Variants in MAP2 observed in about 807,000 individuals in gnomAD.
The protein encoded by MAP2 is microtubule associated protein 2, also known as microtubule-associated protein 2.
A neutral mutation model predicts 137.6 loss-of-function variants in MAP2; 14 were observed. That is an observed-to-expected ratio of 0.10 (90% CI 0.07 to 0.16). MAP2 has a LOEUF of 0.16. MAP2 is among the 10% of genes least tolerant of loss of function. MAP2 has a pLI of 1.00. For synonymous variants in MAP2, 786 were observed against 782.3 expected, an observed-to-expected ratio of 1.00 and a Z score of -0.08; for missense variants, 2,088 against 2,191.5, an observed-to-expected ratio of 0.95 and a Z score of 0.94.
chr2:209,490,956 T>C (rs2059035142), intron 1 of MAP2, among the ~76,000 whole-genome samples: 1 of 152,012 alleles, frequency 6.6e-6, no homozygotes, highest in South Asian at 2.1e-4. Flanking sequence ...AGACCCAATA[T>C]ACATCTATAG....
chr2:209,621,922 G>A (rs1020441979), intron 3 of MAP2, among the ~76,000 whole-genome samples: 3 of 152,290 alleles, frequency 2.0e-5, no homozygotes, highest in South Asian at 2.1e-4. Context: ...AGCTGACTTC[G>A]TTTATAGCTG....
chr2:209,462,114 A>G (rs1335370771), intron 1 of MAP2, among the ~76,000 whole-genome samples: 2 of 152,204 alleles, frequency 1.3e-5, no homozygotes, highest in African/African-American at 2.4e-5. Flanking sequence ...GGTAAAATAT[A>G]TGAATGTTAA....
Position 209,665,109 on chromosome 2 carries a change from C to T in MAP2, c.262+11677C>T, listed in dbSNP as rs532112436. ...AGAACAGAAAGAAATTAGGTAGGAA[C>T]TCCAAAATACTGTAGTGAAAGTATA... On this transcript the variant is annotated intron_variant, in intron 5 of 15. Coordinates refer to ENST00000682079, the MANE Select transcript of MAP2 (RefSeq NM_001375505.1). 3.0e-4 allele frequency among the ~76,000 whole-genome samples: 46 copies of T among 151,778 alleles called. No individual in the cohort carries two copies. The South Asian group carries it at 8.5e-3, about 28-fold the overall frequency.
chr2:209,712,654 A>G (rs2065893890), intron 13 of MAP2, among the ~76,000 whole-genome samples: 1 of 152,212 alleles, frequency 6.6e-6, no homozygotes, highest in Non-Finnish European at 1.5e-5. Context: ...CTGTCTTTGT[A>G]GGAAAAACAT....
chr2:209,434,876 A>ATATATGT (rs1695407945), intron 1 of MAP2, among the ~76,000 whole-genome samples: 1 of 92,574 alleles, frequency 1.1e-5, no homozygotes, highest in African/African-American at 6.3e-5. Context: ...TATATATGTT[A>ATATATGT]TATATATGTT....
intron 2 of MAP2, among the ~76,000 whole-genome samples, chr2:209,516,171 G>T (rs1229391010): frequency 6.6e-6 from 1 of 151,988 alleles, no homozygotes; most frequent in Non-Finnish European, 1.5e-5. Context: ...GTCTCTTATG[G>T]AATAACAGTA....
chr2:209,482,275 T>C (rs2057810833), intron 1 of MAP2, among the ~76,000 whole-genome samples: 2 of 152,152 alleles, frequency 1.3e-5, no homozygotes. Flanking sequence ...CATTACACAA[T>C]ATAGACATGA....
chr2:209,585,622 C>G (rs2077510008), intron 3 of MAP2, among the ~76,000 whole-genome samples: 1 of 152,084 alleles, frequency 6.6e-6, no homozygotes, highest in African/African-American at 2.4e-5. Context: ...AAGGATTTCT[C>G]ACAACATTTT....
chr2:209,443,726 A>T (rs956904317), intron 1 of MAP2, among the ~76,000 whole-genome samples: 3 of 151,640 alleles, frequency 2.0e-5, no homozygotes, highest in Non-Finnish European at 3.0e-5. Context: ...ACATGGAAGC[A>T]TGGTGTCAGG....
chr2:209,646,228 A>T lies in MAP2; in HGVS notation c.-29-6914A>T, dbSNP rs76032698. On this transcript the variant is annotated intron_variant, in intron 4 of 15. Transcript: ENST00000682079. Reference sequence around the variant, plus strand: ...AAAATGAAATAAAGAAAATAAAAGAAATAAGCAAAATATAGGTTATCTTAT... The same window carrying T: ...AAAATGAAATAAAGAAAATAAAAGATATAAGCAAAATATAGGTTATCTTAT... 6.4e-4 allele frequency among the ~76,000 whole-genome samples: 98 copies of T among 152,324 alleles called. No homozygotes were observed. The East Asian group carries it at 0.016, about 25-fold the overall frequency.
At chr2:209,653,065 T>A in intron 4 of MAP2, 77 bp from the exon 5 acceptor site, 1 of 1,192,004 alleles carries the variant, frequency 8.4e-7, no homozygotes, top group Non-Finnish European at 1.1e-6. Flanking sequence ...TTGCTACAAA[T>A]TTTTCCTATC....
At chr2:209,432,253 T>C (rs939889785) in intron 1 of MAP2, among the ~76,000 whole-genome samples, 4 of 152,152 alleles carry the variant, frequency 2.6e-5, no homozygotes, top group Non-Finnish European at 5.9e-5. Context: ...TGGGCCTCTG[T>C]GTTTGTGCCT....
In MAP2 at chr2:209,550,096, A is replaced by G. The variant is rs79894598; in HGVS notation, c.-171-29940A>G. Among the ~76,000 whole-genome samples the G allele has an allele frequency of 6.5e-3, 987 of 152,312 alleles. 15 individuals carry two copies. The highest frequency in any genetic ancestry group is 0.023 in the African/African-American group (954 of 41,568). The stretch of plus-strand genomic sequence containing the variant: ...ACATTTTGTTAATTCCTTATTGTCA[A>G]TCCCGGGGGAAGCTATAGTGGTGAA... On this transcript the variant is annotated intron_variant, in intron 2 of 15. Transcript: ENST00000682079.
intron 1 of MAP2, among the ~76,000 whole-genome samples, chr2:209,481,837 T>C (rs1269541579): frequency 1.3e-5 from 2 of 152,206 alleles, no homozygotes; most frequent in East Asian, 3.9e-4. Flanking sequence ...TTCTGTGTTA[T>C]TGAGCATGTA....
Position 209,678,598 on chromosome 2 carries a change from G to A in MAP2, c.289G>A (p.Val97Ile). Residue 97 changes from valine (V) to isoleucine (I), a missense_variant, in exon 6 of 16, where the codon GTA becomes ATA. Transcript: ENST00000682079. ...AEEVSARIVQVVTAEAVAVLK... is the reference protein window; with the variant it reads ...AEEVSARIVQIVTAEAVAVLK... ...GGAGGTGTCTGCAAGGATAGTTCAA[G>A]TAGTCACTGCTGAGGCTGTAGCAGT... 6.3e-7 allele frequency: 1 copy of A among 1,599,492 alleles called. No homozygotes were observed. Among genetic ancestry groups the A allele is most frequent in the Non-Finnish European group, 8.5e-7 (1 of 1,172,546 alleles).
rs547003709 is a variant in MAP2, at chr2:209,462,254, G to A, written c.-222+37978G>A. 1.7e-3 allele frequency among the ~76,000 whole-genome samples: 266 copies of A among 152,252 alleles called. 1 individual carries two copies. The highest frequency in any genetic ancestry group is 3.3e-3 in the Non-Finnish European group (222 of 68,020). On this transcript the variant is annotated intron_variant, in intron 1 of 15. Coordinates refer to ENST00000682079, the MANE Select transcript of MAP2 (RefSeq NM_001375505.1). Reference sequence around the variant, plus strand: ...AAATAAAATAGATGGCAGATGGTTGGACTTTTCAATTAGACCTTATCGGGC... The same window carrying A: ...AAATAAAATAGATGGCAGATGGTTGAACTTTTCAATTAGACCTTATCGGGC...
At chr2:209,565,520 C>T (rs1035972284) in intron 2 of MAP2, among the ~76,000 whole-genome samples, 14 of 152,058 alleles carry the variant, frequency 9.2e-5, no homozygotes, top group African/African-American at 1.2e-4. Flanking sequence ...ATTCCCAGAC[C>T]GAAAATATCT....
chr2:209,511,116 G>A (rs1186606911), intron 2 of MAP2, among the ~76,000 whole-genome samples: 1 of 152,032 alleles, frequency 6.6e-6, no homozygotes, highest in Admixed American at 6.6e-5. Context: ...GTGCTAGCTA[G>A]TGTAGATATT....
chr2:209,564,578 A>AC (rs2072973913), intron 2 of MAP2, among the ~76,000 whole-genome samples: 1 of 150,790 alleles, frequency 6.6e-6, no homozygotes, highest in Non-Finnish European at 1.5e-5. Flanking sequence ...AAAAAAAAAA[A>AC]AAAAACCAAA....
Sources: allele counts gnomAD v4.1 joint callset (sites outside exome capture counted in the v4.1 genomes callset), GRCh38; gene constraint gnomAD v4.1.1; transcripts MANE v1.5; gene names NCBI Gene and HGNC (gene_info 2026-07-23, HGNC 2026-07-21).